Variants in MICU3 observed in about 807,000 individuals in gnomAD.
MICU3 encodes mitochondrial calcium uptake 3.
A neutral mutation model predicts 66.5 loss-of-function variants in MICU3; 62 were observed. The ratio of observed to expected loss-of-function variants is 0.93; its 90% CI spans 0.76 to 1.15. The LOEUF is 1.15. MICU3 is among the 50% of genes most tolerant of loss of function. The probability of loss-of-function intolerance (pLI) is 0.00; values close to 1 mark genes in which losing one functional copy is unlikely to be tolerated. For synonymous variants in MICU3, 308 were observed against 240.7 expected, an observed-to-expected ratio of 1.28 and a Z score of -2.59; for missense variants, 779 against 664.4, an observed-to-expected ratio of 1.17 and a Z score of -1.90.
At chr8:17,132,811 G>C in the MICU3 span, 2 of 152,150 alleles carry the variant, frequency 1.3e-5, no homozygotes, top group Non-Finnish European at 2.9e-5. Context: ...CTGAATGTTG[G>C]TGACCTCCCA....
chr8:17,048,015 A>T (rs1393603545), intron 1 of MICU3, among the ~76,000 whole-genome samples: 1 of 152,198 alleles, frequency 6.6e-6, no homozygotes, highest in Non-Finnish European at 1.5e-5. Context: ...GTGGGCCATG[A>T]CGAGTTAAAG....
At chr8:17,115,987 TA>T (rs907906562) in intron 12 of MICU3, among the ~76,000 whole-genome samples, 33 of 152,312 alleles carry the variant, frequency 2.2e-4, no homozygotes, top group African/African-American at 7.9e-4. Flanking sequence ...ATCCTTTTCC[TA>T]ACCACTGCCT....
At chr8:17,105,734 C>G in intron 11 of MICU3, 150 bp downstream of exon 11, 1 of 431,488 alleles carries the variant, frequency 2.3e-6, no homozygotes. Flanking sequence ...GCTCTGGCTA[C>G]ACTTTTAAAA....
chr8:17,075,383 A>G (rs1315051525), intron 3 of MICU3, among the ~76,000 whole-genome samples: 2 of 152,148 alleles, frequency 1.3e-5, no homozygotes, highest in African/African-American at 2.4e-5. Flanking sequence ...CTGTAATCAC[A>G]GTTATTCTTT....
chr8:17,073,093 G>A (rs1373605397), intron 3 of MICU3, among the ~76,000 whole-genome samples: 1 of 152,082 alleles, frequency 6.6e-6, no homozygotes, highest in African/African-American at 2.4e-5. Flanking sequence ...GTTTTGCTCT[G>A]TCACCCAGGC....
chr8:17,058,116 C>G (rs374393129), intron 1 of MICU3, among the ~76,000 whole-genome samples: 7 of 152,206 alleles, frequency 4.6e-5, no homozygotes, highest in African/African-American at 1.7e-4. Flanking sequence ...TCCAAAAGTA[C>G]CCTATTGACT....
At chr8:17,104,343 C>G in intron 9 of MICU3, 48 bp from the exon 10 acceptor site, 1 of 928,180 alleles carries the variant, frequency 1.1e-6, no homozygotes, top group Non-Finnish European at 1.5e-6. Context: ...TATCCCTATT[C>G]TGTTTCTTTT....
chr8:17,029,577 C>A (rs1811663034), intron 1 of MICU3, among the ~76,000 whole-genome samples: 1 of 152,152 alleles, frequency 6.6e-6, no homozygotes, highest in African/African-American at 2.4e-5. Flanking sequence ...TTTTAGAAGT[C>A]AAATAATGTT....
chr8:17,058,602 T>G (rs931017354), intron 1 of MICU3, among the ~76,000 whole-genome samples: 4 of 152,212 alleles, frequency 2.6e-5, no homozygotes, highest in African/African-American at 9.6e-5. Context: ...TTTTAAACTT[T>G]GGAAAGTTCA....
chr8:17,055,184 A>G (rs1816742241), intron 1 of MICU3, among the ~76,000 whole-genome samples: 1 of 152,212 alleles, frequency 6.6e-6, no homozygotes, highest in Non-Finnish European at 1.5e-5. Context: ...AGAATTTGGA[A>G]AGAGATTACA....
At chr8:17,078,804 G>A (rs530609857) in intron 4 of MICU3, among the ~76,000 whole-genome samples, 2 of 152,100 alleles carry the variant, frequency 1.3e-5, no homozygotes, top group South Asian at 4.1e-4. Flanking sequence ...TTTATTGTAG[G>A]TGTTTCATAA....
chr8:17,115,836 A>G (rs1394465188), intron 12 of MICU3, among the ~76,000 whole-genome samples: 1 of 152,032 alleles, frequency 6.6e-6, no homozygotes, highest in Non-Finnish European at 1.5e-5. Context: ...CACCCAAACC[A>G]GACTCCCTGT....
At chr8:17,132,601 C>G in the MICU3 span, 6 of 152,222 alleles carry the variant, frequency 3.9e-5, no homozygotes, top group African/African-American at 1.4e-4. Flanking sequence ...GAGCAATCCA[C>G]CTTTCTGCCT....
intron 1 of MICU3, among the ~76,000 whole-genome samples, chr8:17,062,866 G>C (rs1818061025): frequency 6.6e-6 from 1 of 150,392 alleles, no homozygotes; most frequent in African/African-American, 2.5e-5. Context: ...GTGACAGAGT[G>C]AGACTCTGTC....
At position 17,095,539 on chromosome 8, in the gene MICU3, A is replaced by G. The variant is rs149152071; in HGVS notation, c.889-2919A>G. On this transcript the variant is annotated intron_variant, in intron 8 of 14. Transcript: ENST00000318063. ...CAAAAACAGTTTACTATCTGTTCCT[A>G]TGGGCTGTTACTTTATTTTTCCCCT... 5.9e-4 allele frequency among the ~76,000 whole-genome samples: 89 copies of G among 151,972 alleles called. 3 individuals are homozygous for G. In the East Asian group the frequency reaches 0.016, roughly 28 times the overall value.
rs1803244226 is a variant in MICU3 at position 17,122,220 on chromosome 8, ATG to A, written c.*1935_*1936del. The A allele has an allele frequency of 6.6e-6, 1 of 151,854 alleles. No individual in the cohort carries two copies. Among genetic ancestry groups the A allele is most frequent in the African/African-American group, 2.4e-5 (1 of 41,438 alleles). 9.4% of individuals were successfully genotyped at this position (151,854 alleles called of 1,614,324 possible). A position where few individuals can be genotyped will look rare whatever the true frequency, so the allele number is the denominator to read the frequency against. ...ATAATATTAAAATGTGAATAAATAAATGTTCTGATAAAATAGAAAAGAAAGTA... is the reference window on the plus strand; with the variant it reads ...ATAATATTAAAATGTGAATAAATAAATTCTGATAAAATAGAAAAGAAAGTA... On this transcript the variant is annotated 3_prime_UTR_variant, in exon 15 of 15. Coordinates refer to ENST00000318063, the MANE Select transcript of MICU3 (RefSeq NM_181723.3).
intron 1 of MICU3, 68 bp from the exon 2 acceptor site, chr8:17,064,016 T>A: frequency 8.2e-7 from 1 of 1,222,070 alleles, no homozygotes; most frequent in Non-Finnish European, 1.1e-6. Context: ...TTCAACATAA[T>A]TAAAAGTATC....
chr8:17,123,375 C>T (rs575620747), downstream of MICU3, among the ~76,000 whole-genome samples: 11 of 151,444 alleles, frequency 7.3e-5, no homozygotes, highest in South Asian at 2.3e-3. Flanking sequence ...GAGAGGTGTA[C>T]TTACGAAAAA....
intron 8 of MICU3, among the ~76,000 whole-genome samples, chr8:17,093,261 G>A (rs988218175): frequency 5.3e-5 from 8 of 151,926 alleles, no homozygotes; most frequent in Non-Finnish European, 8.8e-5. Flanking sequence ...CAAAAGCCAA[G>A]TACATTTGAC....
Sources: allele counts gnomAD v4.1 joint callset (sites outside exome capture counted in the v4.1 genomes callset), GRCh38; gene constraint gnomAD v4.1.1; transcripts MANE v1.5; gene names NCBI Gene and HGNC (gene_info 2026-07-23, HGNC 2026-07-21).